The following NFATC3 variants were observed in gnomAD, a reference collection of about 807,000 sequenced individuals.
NFATC3 encodes the protein nuclear factor of activated T-cells, cytoplasmic 3.
A neutral mutation model predicts 98.6 loss-of-function variants in NFATC3; 46 were observed. The ratio of observed to expected loss-of-function variants is 0.47; its 90% confidence interval spans 0.37 to 0.60. The LOEUF is 0.60. NFATC3 is among the 20% of genes least tolerant of loss of function. NFATC3 has a pLI of 0.00. For missense variants in NFATC3, 1,256 were observed against 1,295.5 expected (o/e 0.97, Z 0.47); for synonymous variants, 512 against 472.2 (o/e 1.08, Z -1.09).
intron 3 of NFATC3, among the ~76,000 whole-genome samples, chr16:68,128,059 T>C (rs1891818605): frequency 6.6e-6 from 1 of 152,134 alleles, no homozygotes; most frequent in Non-Finnish European, 1.5e-5. Flanking sequence ...TTCTTTCATG[T>C]TTGAAAATGT....
intron 1 of NFATC3, among the ~76,000 whole-genome samples, chr16:68,117,798 G>A (rs2036365478): frequency 6.6e-6 from 1 of 152,196 alleles, no homozygotes; most frequent in Admixed American, 6.5e-5. Context: ...GATTACAGGT[G>A]TGAGCCACCA....
Position 68,085,748 on chromosome 16 carries a change from G to C in NFATC3, c.67G>C (p.Ala23Pro). Residue 23 changes from alanine (A) to proline (P), a missense_variant, in exon 1 of 10, where the codon GCG becomes CCG. Ala to Pro is a conservative substitution (Grantham distance 27). Transcript: ENST00000346183. ...CAAACTCGTCTTTGGCGAGGACGGG[G>C]CGCCGGCGCCGCCGCCCCCGGGCTC... ...DFKLVFGEDG[A>P]PAPPPPGSRP... 6.6e-7 allele frequency: 1 copy of C among 1,505,026 alleles called. No individual in the cohort carries two copies. Among genetic ancestry groups the C allele is most frequent in the Non-Finnish European group, 8.8e-7 (1 of 1,131,086 alleles). The allele number at this position is 1,505,026 out of a possible 1,614,324, so 93.2% of individuals were successfully genotyped here. A position where few individuals can be genotyped will look rare whatever the true frequency, so the allele number is the denominator to read the frequency against.
intron 5 of NFATC3, among the ~76,000 whole-genome samples, chr16:68,173,010 A>G (rs939501840): frequency 5.3e-5 from 8 of 151,888 alleles, no homozygotes; most frequent in Non-Finnish European, 1.0e-4. Context: ...TAATCCCAGC[A>G]CTTTGGGAGG....
chr16:68,168,674 C>T (rs564392596), intron 5 of NFATC3, among the ~76,000 whole-genome samples: 4 of 151,462 alleles, frequency 2.6e-5, no homozygotes, highest in Admixed American at 6.6e-5. Flanking sequence ...TTAGTAGAGA[C>T]GGGGTTTCAC....
chr16:68,182,601 G>C (rs2039995223), intron 7 of NFATC3, among the ~76,000 whole-genome samples: 1 of 150,016 alleles, frequency 6.7e-6, no homozygotes, highest in Non-Finnish European at 1.5e-5. Context: ...GCTCACTGCA[G>C]CCTCTGCCTC....
At chr16:68,159,236 A>G (rs1336936264) in intron 4 of NFATC3, among the ~76,000 whole-genome samples, 1 of 152,076 alleles carries the variant, frequency 6.6e-6, no homozygotes, top group Non-Finnish European at 1.5e-5. Context: ...CCTATCTTTA[A>G]AAACAAAAAA....
chr16:68,113,711 C>G (rs890433816), intron 1 of NFATC3, among the ~76,000 whole-genome samples: 3 of 152,226 alleles, frequency 2.0e-5, no homozygotes, highest in African/African-American at 7.2e-5. Flanking sequence ...CCATGACCAC[C>G]CCTACCCGTA....
In NFATC3 at chr16:68,191,496, C is replaced by G. The variant is rs749464422; in HGVS notation, c.2827C>G (p.Pro943Ala). 6.8e-6 allele frequency: 11 copies of G among 1,614,016 alleles called. No homozygotes were observed. The Admixed American group carries it at 1.8e-4, about 27-fold the overall frequency. ...PLASSPLSGP[P>A]SPQLQPMPYQ... ...GGCTAGTTCACCGCTTTCTGGGCCA[C>G]CATCTCCTCAGCTTCAGCCTATGCC... Residue 943 changes from proline to alanine, a missense_variant, in exon 9 of 10, where the codon CCA (proline) becomes GCA (alanine). Transcript: ENST00000346183.
chr16:68,120,823 A>T (rs919341684), intron 1 of NFATC3, among the ~76,000 whole-genome samples: 1 of 152,132 alleles, frequency 6.6e-6, no homozygotes, highest in Non-Finnish European at 1.5e-5. Context: ...ATACAGGTTG[A>T]TAATGCAGGT....
chr16:68,221,615 T>A (rs2041867405), intron 9 of NFATC3: 2 of 1,054,988 alleles, frequency 1.9e-6, no homozygotes, highest in African/African-American at 3.3e-5. Flanking sequence ...AACTTAAATC[T>A]CCTGACTGCT....
chr16:68,170,554 G>A (rs1371572782), intron 5 of NFATC3, among the ~76,000 whole-genome samples: 7 of 146,976 alleles, frequency 4.8e-5, no homozygotes, highest in Admixed American at 1.4e-4. Context: ...GTGCAGTGGC[G>A]CAATCTCGGC....
intron 1 of NFATC3, among the ~76,000 whole-genome samples, chr16:68,090,880 C>T (rs902368192): frequency 4.6e-5 from 7 of 152,094 alleles, no homozygotes; most frequent in African/African-American, 1.4e-4. Context: ...ATGTATTAGA[C>T]GACTGAGTCG....
At chr16:68,196,790 G>C (rs1029252510) in intron 9 of NFATC3, among the ~76,000 whole-genome samples, 2 of 152,120 alleles carry the variant, frequency 1.3e-5, no homozygotes, top group African/African-American at 4.8e-5. Flanking sequence ...CAGCACTTTG[G>C]GAGGCCGAGG....
chr16:68,159,395 CCTTT>C (rs908839945), intron 4 of NFATC3, among the ~76,000 whole-genome samples: 2 of 150,326 alleles, frequency 1.3e-5, no homozygotes, highest in South Asian at 2.1e-4. Context: ...ACACTATAGA[CCTTT>C]CTTTCTTTTT....
intron 8 of NFATC3, among the ~76,000 whole-genome samples, chr16:68,183,991 C>T (rs370212080): frequency 8.3e-5 from 10 of 120,170 alleles, no homozygotes; most frequent in South Asian, 2.5e-4. Flanking sequence ...GGGAAACGAG[C>T]GAAACTCCGT....
chr16:68,199,279 A>G (rs959862999), intron 9 of NFATC3, among the ~76,000 whole-genome samples: 4 of 148,876 alleles, frequency 2.7e-5, no homozygotes, highest in Non-Finnish European at 5.9e-5. Context: ...GCTGGAGTGC[A>G]GTGGCGCGAT....
At chr16:68,220,703 C>T (rs1290214441) in intron 9 of NFATC3, among the ~76,000 whole-genome samples, 2 of 144,366 alleles carry the variant, frequency 1.4e-5, no homozygotes, top group Admixed American at 7.1e-5. Flanking sequence ...GTCAGGAGAT[C>T]GACACCATCC....
At chr16:68,165,425 C>G (rs1173096414) in intron 4 of NFATC3, among the ~76,000 whole-genome samples, 1 of 113,960 alleles carries the variant, frequency 8.8e-6, no homozygotes, top group Non-Finnish European at 1.6e-5. Flanking sequence ...GAGATGGAGT[C>G]TTGCTCTGTT....
Position 68,213,603 on chromosome 16 carries a change from G to A in NFATC3, c.3107-12747G>A, listed in dbSNP as rs1252286069. Among the ~76,000 whole-genome samples the A allele has an allele frequency of 4.6e-5, 7 of 152,064 alleles. No homozygotes were observed. The East Asian group carries it at 1.3e-3, about 29-fold the overall frequency. The stretch of plus-strand genomic sequence containing the variant: ...AGCACTTTGGGAGGCCTAGGCGGGC[G>A]GATAACCTGAGGCCAGGAGTTTGAG... On this transcript the variant is annotated intron_variant, in intron 9 of 9. Transcript: ENST00000346183.
Sources: gnomAD v4.1 joint callset for allele counts (sites outside exome capture counted in the v4.1 genomes callset) on GRCh38, gnomAD v4.1.1 for gene constraint, MANE v1.5 for transcripts, NCBI Gene and HGNC (gene_info 2026-07-23, HGNC 2026-07-21) for gene names.